LAMA2: variants seen among roughly 807,000 people sequenced by gnomAD.
LAMA2 encodes the protein laminin subunit alpha-2.
In LAMA2, 269 loss-of-function variants were observed where a neutral mutation model predicts 364.8. The observed-to-expected ratio is 0.74, with a 90% confidence interval of 0.67 to 0.82. LAMA2 has a LOEUF of 0.82. Among genes scored for constraint, LAMA2 ranks in the 40% least tolerant of loss-of-function variants. The pLI, the probability that LAMA2 is intolerant of heterozygous loss-of-function variation, is 0.00. For missense variants in LAMA2, 3,807 were observed against 3,873.2 expected (o/e 0.98, Z 0.45); for synonymous variants, 1,379 against 1,370.6 (o/e 1.01, Z -0.14).
intron 12 of LAMA2, among the ~76,000 whole-genome samples, chr6:129,248,517 T>C (rs1785934497): frequency 1.3e-5 from 2 of 152,196 alleles, no homozygotes; most frequent in African/African-American, 4.8e-5. Flanking sequence ...ATATATTAAG[T>C]TGATATTTTT....
chr6:129,388,094 C>G (rs539586530), intron 35 of LAMA2, among the ~76,000 whole-genome samples: 67 of 151,290 alleles, frequency 4.4e-4, no homozygotes, highest in African/African-American at 1.6e-3. Context: ...CCCATCTCTA[C>G]TAAAAATACA....
chr6:129,306,439 G>A (rs1387909313), intron 22 of LAMA2, among the ~76,000 whole-genome samples: 1 of 140,766 alleles, frequency 7.1e-6, no homozygotes, highest in Non-Finnish European at 1.5e-5. Flanking sequence ...TTCTTTTTGT[G>A]TGTTTAATAA....
intron 30 of LAMA2, among the ~76,000 whole-genome samples, chr6:129,347,736 G>T (rs1458191550): frequency 3.3e-5 from 5 of 152,106 alleles, no homozygotes; most frequent in South Asian, 2.1e-4. Context: ...TTAGGGAGTT[G>T]TGAACAGAAA....
At chr6:129,175,158 T>C (rs1780494402) in intron 9 of LAMA2, among the ~76,000 whole-genome samples, 1 of 152,208 alleles carries the variant, frequency 6.6e-6, no homozygotes, top group African/African-American at 2.4e-5. Flanking sequence ...CCAGAGTATG[T>C]TCTACTTGGA....
rs570912404 is a variant in LAMA2, at chr6:128,971,296, G to A, written c.113-78622G>A. On this transcript the variant is annotated intron_variant, in intron 1 of 64. Coordinates refer to ENST00000421865, the MANE Select transcript of LAMA2 (RefSeq NM_000426.4). The stretch of plus-strand genomic sequence containing the variant: ...TGAACGTTCTTAAGTGCCTAGTGTT[G>A]TCATAGGTATAAATCAAGTAGGATA... Among the ~76,000 whole-genome samples, 78 of 152,244 alleles carry A rather than the reference G, an allele frequency of 5.1e-4. 2 individuals are homozygous for A. The South Asian group carries it at 0.016, about 31-fold the overall frequency.
intron 62 of LAMA2, among the ~76,000 whole-genome samples, chr6:129,508,657 A>G (rs1326355781): frequency 6.6e-6 from 1 of 152,086 alleles, no homozygotes; most frequent in Non-Finnish European, 1.5e-5. Flanking sequence ...CACTTAACAT[A>G]ATGACCTCAA....
At chr6:128,904,838 G>A (rs911223777) in intron 1 of LAMA2, among the ~76,000 whole-genome samples, 1 of 152,146 alleles carries the variant, frequency 6.6e-6, no homozygotes, top group Non-Finnish European at 1.5e-5. Flanking sequence ...CTGAAGGCCA[G>A]AATATAATAA....
In LAMA2 at chr6:129,503,129, C is replaced by G. The variant is rs531496396; in HGVS notation, c.8396C>G (p.Ser2799Cys). Residue 2799 changes from serine to cysteine, a missense_variant, in exon 60 of 65, where the codon TCC becomes TGC. This residue lies in a region of LAMA2 where 3,333 missense variants were observed against 3,345.7 expected (regional missense o/e 1.00). Transcript: ENST00000421865. Reference sequence around the variant, plus strand: ...TTGGAAGTAAGAACCGAAGCTGAATCCGGCTTGCTTTTTTACATGGCTCGC... The same window carrying G: ...TTGGAAGTAAGAACCGAAGCTGAATGCGGCTTGCTTTTTTACATGGCTCGC... ...IELEVRTEAE[S>C]GLLFYMARIN... 6.8e-6 allele frequency: 11 copies of G among 1,614,184 alleles called. No homozygotes were observed. In the South Asian group the frequency reaches 1.1e-4, roughly 16 times the overall value.
At chr6:129,245,322 G>A (rs1399721263) in intron 12 of LAMA2, among the ~76,000 whole-genome samples, 1 of 152,062 alleles carries the variant, frequency 6.6e-6, no homozygotes, top group Non-Finnish European at 1.5e-5. Context: ...AACTAAAATT[G>A]CACTTACTCC....
intron 17 of LAMA2, among the ~76,000 whole-genome samples, chr6:129,275,600 T>C (rs987876305): frequency 6.6e-6 from 1 of 151,972 alleles, no homozygotes; most frequent in Non-Finnish European, 1.5e-5. Context: ...GTTACAGTTA[T>C]ATTAACAGCT....
intron 1 of LAMA2, among the ~76,000 whole-genome samples, chr6:129,019,273 C>T (rs566454504): frequency 6.6e-6 from 1 of 151,522 alleles, no homozygotes; most frequent in South Asian, 2.1e-4. Flanking sequence ...CTTATTCCTT[C>T]AAGTTTTGGT....
intron 44 of LAMA2, among the ~76,000 whole-genome samples, chr6:129,444,726 C>T (rs562531312): frequency 9.2e-5 from 14 of 152,208 alleles, no homozygotes; most frequent in Non-Finnish European, 2.1e-4. Flanking sequence ...GTATGTCAGC[C>T]GCAAAGCAGA....
intron 35 of LAMA2, among the ~76,000 whole-genome samples, chr6:129,388,037 C>T (rs2114664980): frequency 6.6e-6 from 1 of 152,294 alleles, no homozygotes; most frequent in East Asian, 1.9e-4. Context: ...GCAGGCAGAT[C>T]ACCTGAGGTC....
At chr6:129,235,318 A>T (rs1220625457) in intron 12 of LAMA2, among the ~76,000 whole-genome samples, 1 of 152,164 alleles carries the variant, frequency 6.6e-6, no homozygotes, top group South Asian at 2.1e-4. Flanking sequence ...ATGAATTCTA[A>T]CAAGAAGACT....
intron 29 of LAMA2, among the ~76,000 whole-genome samples, chr6:129,331,893 C>G (rs1775678578): frequency 6.6e-6 from 1 of 152,130 alleles, no homozygotes; most frequent in Non-Finnish European, 1.5e-5. Context: ...CCATGTTTGC[C>G]ACTGTGAATC....
chr6:129,173,394 C>G (rs1780350104), intron 9 of LAMA2, among the ~76,000 whole-genome samples: 1 of 152,098 alleles, frequency 6.6e-6, no homozygotes, highest in South Asian at 2.1e-4. Flanking sequence ...TTATCATGTT[C>G]AAGAGAGCTT....
At chr6:129,077,751 C>T (rs916504178) in intron 3 of LAMA2, among the ~76,000 whole-genome samples, 2 of 152,140 alleles carry the variant, frequency 1.3e-5, no homozygotes, top group Admixed American at 6.5e-5. Flanking sequence ...TATTACCTTT[C>T]GATATGTCAG....
At chr6:129,101,682 T>A (rs1775528883) in intron 4 of LAMA2, among the ~76,000 whole-genome samples, 1 of 152,216 alleles carries the variant, frequency 6.6e-6, no homozygotes, top group Non-Finnish European at 1.5e-5. Flanking sequence ...AGTAGCCACA[T>A]GGGACTAGCA....
intron 30 of LAMA2, among the ~76,000 whole-genome samples, chr6:129,343,937 A>G (rs895331302): frequency 1.3e-5 from 2 of 152,224 alleles, no homozygotes; most frequent in Non-Finnish European, 2.9e-5. Flanking sequence ...AATACAAGGC[A>G]TGTGCAAAAC....
Sources: gnomAD v4.1 joint callset for allele counts (sites outside exome capture counted in the v4.1 genomes callset) on GRCh38, gnomAD v4.1.1 for gene constraint, gnomAD v4.1.1 regional missense constraint, MANE v1.5 for transcripts, NCBI Gene and HGNC (gene_info 2026-07-23, HGNC 2026-07-21) for gene names.